SH3BGRL2: variants seen among roughly 807,000 people sequenced by gnomAD.
SH3BGRL2 encodes the protein SH3 domain binding glutamate rich protein like 2.
SH3BGRL2 carries 21 observed loss-of-function variants against 14.8 expected under a neutral mutation model. That is an observed-to-expected ratio of 1.42 (90% CI 1.01 to 2.05). SH3BGRL2 has a LOEUF of 2.05. SH3BGRL2 is among the 30% of genes most tolerant of loss of function. The pLI, the probability that SH3BGRL2 is intolerant of heterozygous loss-of-function variation, is 0.00. For missense variants in SH3BGRL2, 147 were observed against 130.8 expected (o/e 1.12, Z -0.61); for synonymous variants, 50 against 47.8 (o/e 1.05, Z -0.19).
chr6:79,576,402 A>G, the SH3BGRL2 span, among the ~76,000 whole-genome samples: 2 of 152,180 alleles, frequency 1.3e-5, no homozygotes, highest in East Asian at 1.9e-4. Context: ...TCTACATTTC[A>G]TCATTATTCT....
chr6:79,687,107 T>A (rs760445908), intron 2 of SH3BGRL2, among the ~76,000 whole-genome samples: 1 of 152,142 alleles, frequency 6.6e-6, no homozygotes, highest in Non-Finnish European at 1.5e-5. Flanking sequence ...AAAAACTGTC[T>A]AAGCCATTAC....
chr6:79,618,276 G>A, the SH3BGRL2 span, among the ~76,000 whole-genome samples: 10 of 152,194 alleles, frequency 6.6e-5, no homozygotes, highest in Non-Finnish European at 1.2e-4. Context: ...TATGGACTAC[G>A]TGGATTTTTT....
the SH3BGRL2 span, among the ~76,000 whole-genome samples, chr6:79,610,112 G>A: frequency 6.6e-6 from 1 of 152,124 alleles, no homozygotes; most frequent in Non-Finnish European, 1.5e-5. Context: ...ATTTTTATCT[G>A]GAGAAAAGGA....
chr6:79,579,102 A>T, the SH3BGRL2 span, among the ~76,000 whole-genome samples: 1 of 152,198 alleles, frequency 6.6e-6, no homozygotes, highest in East Asian at 1.9e-4. Flanking sequence ...AAGGTTAGAG[A>T]AAAAAGAGTA....
chr6:79,620,218 C>T, the SH3BGRL2 span, among the ~76,000 whole-genome samples: 1 of 151,906 alleles, frequency 6.6e-6, no homozygotes, highest in Non-Finnish European at 1.5e-5. Context: ...TTTTGCAAAT[C>T]TCTTTTACAA....
At chr6:79,650,889 A>T (rs1769276850) in intron 1 of SH3BGRL2, among the ~76,000 whole-genome samples, 1 of 149,524 alleles carries the variant, frequency 6.7e-6, no homozygotes, top group Admixed American at 6.7e-5. Flanking sequence ...AGGATAAATA[A>T]TTATATAAAA....
upstream of SH3BGRL2, among the ~76,000 whole-genome samples, chr6:79,628,040 C>T (rs1768763199): frequency 6.6e-6 from 1 of 152,116 alleles, no homozygotes; most frequent in African/African-American, 2.4e-5. Flanking sequence ...GACTTTGTTA[C>T]CAATAGAAAT....
intron 2 of SH3BGRL2, among the ~76,000 whole-genome samples, chr6:79,687,943 T>C (rs988154749): frequency 3.4e-4 from 52 of 152,126 alleles, no homozygotes; most frequent in African/African-American, 1.1e-3. Context: ...CTTATCAGAG[T>C]GGCTGCTGTG....
At chr6:79,553,805 C>CTACAAAAAA in the SH3BGRL2 span, among the ~76,000 whole-genome samples, 1 of 151,960 alleles carries the variant, frequency 6.6e-6, no homozygotes, top group Non-Finnish European at 1.5e-5. Flanking sequence ...AACCCCGTCT[C>CTACAAAAAA]TACAAAAAAT....
the SH3BGRL2 span, among the ~76,000 whole-genome samples, chr6:79,583,934 TAAC>T: frequency 1.3e-5 from 2 of 152,204 alleles, no homozygotes; most frequent in Non-Finnish European, 2.9e-5. Context: ...TCATTTCTAA[TAAC>T]AAGAGGCCAA....
chr6:79,581,896 A>C, the SH3BGRL2 span, among the ~76,000 whole-genome samples: 2 of 152,210 alleles, frequency 1.3e-5, no homozygotes, highest in African/African-American at 4.8e-5. Context: ...CCATCGTCTC[A>C]GTCCAAAATC....
chr6:79,581,344 A>G, the SH3BGRL2 span, among the ~76,000 whole-genome samples: 1 of 152,180 alleles, frequency 6.6e-6, no homozygotes, highest in Non-Finnish European at 1.5e-5. Context: ...AAAAAAAGAG[A>G]ATTTTAGACC....
the SH3BGRL2 span, among the ~76,000 whole-genome samples, chr6:79,607,964 A>AAGAAAG: frequency 2.0e-5 from 3 of 152,152 alleles, no homozygotes; most frequent in African/African-American, 7.2e-5. Context: ...GAAAAAGAAA[A>AAGAAAG]GAGGTTTAAT....
At position 79,699,815 on chromosome 6, in the gene SH3BGRL2, G is replaced by A. The variant is rs529555577; in HGVS notation, c.*306G>A. 1.7e-4 allele frequency: 62 copies of A among 368,164 alleles called. No individual in the cohort carries two copies. Among genetic ancestry groups the A allele is most frequent in the South Asian group, 8.7e-4 (7 of 8,004 alleles). The allele number at this position is 368,164 out of a possible 1,614,324, so 22.8% of individuals were successfully genotyped here. A position where few individuals can be genotyped will look rare whatever the true frequency, so the allele number is the denominator to read the frequency against. On this transcript the variant is annotated 3_prime_UTR_variant, in exon 4 of 4. Coordinates refer to ENST00000369838, the MANE Select transcript of SH3BGRL2 (RefSeq NM_031469.4). ...GACTGAAAGATAAGTGGGTAGCACC[G>A]TCAGAGAGAAAATGTTGGATCTGCC...
At chr6:79,662,052 A>G (rs964298599) in intron 1 of SH3BGRL2, among the ~76,000 whole-genome samples, 1 of 151,934 alleles carries the variant, frequency 6.6e-6, no homozygotes, top group Non-Finnish European at 1.5e-5. Flanking sequence ...TGCACATGAG[A>G]TGGGTCTCCT....
At chr6:79,572,707 C>T in the SH3BGRL2 span, among the ~76,000 whole-genome samples, 5 of 152,220 alleles carry the variant, frequency 3.3e-5, no homozygotes, top group East Asian at 3.9e-4. Context: ...CCTCGTGATC[C>T]GCCCGCCTTG....
chr6:79,657,126 TC>T (rs1255761768), intron 1 of SH3BGRL2, among the ~76,000 whole-genome samples: 1 of 151,960 alleles, frequency 6.6e-6, no homozygotes, highest in Non-Finnish European at 1.5e-5. Flanking sequence ...AACATGGGAA[TC>T]GCTGATGAGA....
intron 2 of SH3BGRL2, among the ~76,000 whole-genome samples, chr6:79,691,413 G>T (rs1171901855): frequency 6.6e-6 from 1 of 150,520 alleles, no homozygotes; most frequent in South Asian, 2.1e-4. Flanking sequence ...GTGCAGGTTT[G>T]TTACATATGT....
chr6:79,677,606 A>T (rs1769910521), intron 2 of SH3BGRL2, among the ~76,000 whole-genome samples: 1 of 152,104 alleles, frequency 6.6e-6, no homozygotes, highest in African/African-American at 2.4e-5. Context: ...GTGTGACATG[A>T]GTGTATTCTT....
Sources: gnomAD v4.1 joint callset for allele counts (sites outside exome capture counted in the v4.1 genomes callset) on GRCh38, gnomAD v4.1.1 for gene constraint, MANE v1.5 for transcripts, NCBI Gene and HGNC (gene_info 2026-07-23, HGNC 2026-07-21) for gene names.